RP1: variants seen among roughly 807,000 people sequenced by gnomAD.
RP1 encodes the protein oxygen-regulated protein 1.
Under a neutral mutation model 14.8 loss-of-function variants are expected in RP1, and 16 were observed. That is an observed-to-expected ratio of 1.08 (90% CI 0.73 to 1.65). RP1 has a LOEUF of 1.65. RP1 is among the 40% of genes most tolerant of loss of function. RP1 has a pLI of 0.00. For synonymous variants in RP1, 876 were observed against 883.6 expected (o/e 0.99, Z 0.15); for missense variants, 2,631 against 2,535.0 (o/e 1.04, Z -0.81).
chr8:54,745,191 A>G (rs1809193504), intron 19 of RP1, among the ~76,000 whole-genome samples: 1 of 152,188 alleles, frequency 6.6e-6, no homozygotes, highest in Non-Finnish European at 1.5e-5. Flanking sequence ...TTAGTTATCC[A>G]TTAAGTTGTC....
chr8:54,644,131 T>A (rs930282871), intron 3 of RP1, among the ~76,000 whole-genome samples: 1 of 152,164 alleles, frequency 6.6e-6, no homozygotes, highest in Non-Finnish European at 1.5e-5. Flanking sequence ...GAAAACAAAT[T>A]ATTTGTTTCT....
At chr8:54,810,881 T>G (rs2129392974) in intron 24 of RP1, among the ~76,000 whole-genome samples, 1 of 152,248 alleles carries the variant, frequency 6.6e-6, no homozygotes, top group Non-Finnish European at 1.5e-5. Flanking sequence ...AGGCCAAGCC[T>G]TTGTTTTTGC....
chr8:54,855,884 C>T (rs1373475696), intron 26 of RP1, among the ~76,000 whole-genome samples: 1 of 151,714 alleles, frequency 6.6e-6, no homozygotes, highest in African/African-American at 2.4e-5. Context: ...GTATGCTTCG[C>T]ATACGGAGTG....
downstream of RP1, among the ~76,000 whole-genome samples, chr8:54,771,784 A>G (rs1210825658): frequency 1.3e-5 from 2 of 152,056 alleles, no homozygotes. Flanking sequence ...TAGTTATGTG[A>G]ATGAGCTAAT....
At chr8:54,655,338 G>T (rs1330985871) in intron 5 of RP1, among the ~76,000 whole-genome samples, 1 of 152,098 alleles carries the variant, frequency 6.6e-6, no homozygotes, top group African/African-American at 2.4e-5. Flanking sequence ...TTCAGAAAAG[G>T]CTAGACTTTA....
intron 12 of RP1, among the ~76,000 whole-genome samples, chr8:54,682,647 G>GT (rs895030732): frequency 6.6e-5 from 10 of 150,612 alleles, no homozygotes; most frequent in East Asian, 1.9e-4. Flanking sequence ...TCTCTAATGG[G>GT]TTTTTTTTTC....
chr8:54,624,555 C>T (rs1805973251), intron 3 of RP1, 115 bp from the exon 4 acceptor site: 2 of 954,646 alleles, frequency 2.1e-6, no homozygotes, highest in Admixed American at 3.9e-5. Flanking sequence ...TCATACTAAT[C>T]ATTTCCCCTT....
At chr8:54,601,492 C>T (rs1160088737) in intron 1 of RP1, among the ~76,000 whole-genome samples, 2 of 149,536 alleles carry the variant, frequency 1.3e-5, no homozygotes, top group East Asian at 3.9e-4. Flanking sequence ...TTAGTGGGTG[C>T]AGCGCACCAG....
intron 13 of RP1, among the ~76,000 whole-genome samples, chr8:54,700,396 A>G (rs755782824): frequency 2.0e-5 from 3 of 151,982 alleles, no homozygotes; most frequent in Non-Finnish European, 4.4e-5. Flanking sequence ...AGGGAAAATA[A>G]TACTTATTGA....
chr8:54,734,540 C>T (rs1201774220), intron 17 of RP1: 2 of 1,530,292 alleles, frequency 1.3e-6, no homozygotes, highest in South Asian at 2.4e-5. Flanking sequence ...TTTTTTCCCC[C>T]ATAGAAGAAA....
In RP1 at chr8:54,626,521, G is replaced by T; in HGVS notation, c.2639G>T (p.Ser880Ile). The change falls in exon 4 of 4, where the codon AGT becomes ATT. Residue 880 changes from serine to isoleucine, a missense_variant. Transcript: ENST00000220676. ...KKRKGDKVKASAILSKQHATT... is the reference protein window; with the variant it reads ...KKRKGDKVKAIAILSKQHATT... ...CGTAAAGGGGATAAAGTGAAAGCAA[G>T]TGCTATTTTAAGTAAACAACATGCT... 6.2e-7 allele frequency: 1 copy of T among 1,613,784 alleles called. No homozygotes were observed. Among genetic ancestry groups the T allele is most frequent in the Non-Finnish European group, 8.5e-7 (1 of 1,179,914 alleles).
In RP1 at chr8:54,670,583, GTA is replaced by G. The variant is rs544514702; in HGVS notation, c.1324-3258_1324-3257del. Among the ~76,000 whole-genome samples the G allele has an allele frequency of 2.6e-5, 2 of 76,344 alleles. 1 individual carries two copies. Among genetic ancestry groups the G allele is most frequent in the Non-Finnish European group, 5.8e-5 (2 of 34,766 alleles). The allele number at this position is 76,344 out of a possible 152,430, so 50.1% of individuals were successfully genotyped here. A position where few individuals can be genotyped will look rare whatever the true frequency, so the allele number is the denominator to read the frequency against. On this transcript the variant is annotated intron_variant, in intron 7 of 22. Transcript: ENST00000636932. Reference sequence around the variant, plus strand: ...TATATACATATATATGTATGTATATGTATATATATACATATATATGTATGTAT... The same window carrying G: ...TATATACATATATATGTATGTATATGTATATATACATATATATGTATGTAT...
rs147990983 is a variant in RP1 at position 54,626,127 on chromosome 8, C to T, written c.2245C>T (p.Leu749Phe). The change falls in exon 4 of 4, where the codon CTC (leucine) becomes TTC (phenylalanine). Residue 749 changes from leucine (L) to phenylalanine (F), a missense_variant. By Grantham distance (22) the Leu-to-Phe change is conservative (BLOSUM62 0). Transcript: ENST00000220676. Reference sequence around the variant, plus strand: ...AAATACTTTTTGTTCCAAAAGTAATCTCAATTCCACGATTTCCAAGAATTT... The same window carrying T: ...AAATACTTTTTGTTCCAAAAGTAATTTCAATTCCACGATTTCCAAGAATTT... ...ESNTFCSKSN[L>F]NSTISKNFHR... The T allele has an allele frequency of 2.4e-4, 380 of 1,613,004 alleles. 2 individuals are homozygous for T. The African/African-American group carries it at 4.1e-3, about 18-fold the overall frequency.
chr8:54,591,724 G>A (rs576843797), intron 1 of RP1, among the ~76,000 whole-genome samples: 1 of 152,250 alleles, frequency 6.6e-6, no homozygotes, highest in Admixed American at 6.5e-5. Flanking sequence ...AGCTCAAATG[G>A]GTGGTATCTG....
intron 24 of RP1, among the ~76,000 whole-genome samples, chr8:54,828,086 A>G (rs568773078): frequency 2.0e-5 from 3 of 152,316 alleles, no homozygotes; most frequent in East Asian, 3.9e-4. Context: ...GTCATCTCCT[A>G]TGATAACGAT....
intron 1 of RP1, among the ~76,000 whole-genome samples, chr8:54,610,043 C>G (rs574089795): frequency 5.3e-4 from 81 of 152,170 alleles, no homozygotes; most frequent in African/African-American, 1.8e-3. Context: ...GACTCCAATC[C>G]CTCTCCTTCT....
At chr8:54,581,428 C>G (rs966280640) in intron 1 of RP1, among the ~76,000 whole-genome samples, 1 of 152,140 alleles carries the variant, frequency 6.6e-6, no homozygotes, top group Non-Finnish European at 1.5e-5. Context: ...GGGTTGGTTC[C>G]AAGTCTTTGC....
intron 19 of RP1, chr8:54,739,115 T>A (rs1247739077): frequency 2.2e-6 from 2 of 918,658 alleles, no homozygotes; most frequent in African/African-American, 1.7e-5. Context: ...AAAACGGTAT[T>A]TTCCTAATTA....
At chr8:54,797,467 C>T (rs2129387444) in intron 24 of RP1, among the ~76,000 whole-genome samples, 1 of 151,774 alleles carries the variant, frequency 6.6e-6, no homozygotes, top group East Asian at 1.9e-4. Flanking sequence ...CACATTTTAT[C>T]CATGAGAACC....
Sources: gnomAD v4.1 joint callset for allele counts (sites outside exome capture counted in the v4.1 genomes callset) on GRCh38, gnomAD v4.1.1 for gene constraint, MANE v1.5 for transcripts, NCBI Gene and HGNC (gene_info 2026-07-23, HGNC 2026-07-21) for gene names.